The following UBE2D1 variants were observed in gnomAD, a reference collection of about 807,000 sequenced individuals.
The protein encoded by UBE2D1 is ubiquitin-conjugating enzyme E2 D1.
In UBE2D1, 9 loss-of-function variants were observed where a neutral mutation model predicts 24.6. That is an observed-to-expected ratio of 0.37 (90% CI 0.22 to 0.64). The LOEUF is 0.64. Among genes scored for constraint, UBE2D1 ranks in the 30% least tolerant of loss-of-function variants. The pLI is 0.64. For synonymous variants in UBE2D1, 57 were observed against 57.6 expected (o/e 0.99, Z 0.04); for missense variants, 87 against 177.1 (o/e 0.49, Z 2.89).
At chr10:58,341,511 A>C (rs900121916) in intron 1 of UBE2D1, among the ~76,000 whole-genome samples, 2 of 152,090 alleles carry the variant, frequency 1.3e-5, no homozygotes. Flanking sequence ...TAGAGGTATA[A>C]AAAAATGAGG....
At chr10:58,342,371 C>G (rs1199254863) in intron 1 of UBE2D1, among the ~76,000 whole-genome samples, 1 of 151,986 alleles carries the variant, frequency 6.6e-6, no homozygotes, top group Non-Finnish European at 1.5e-5. Context: ...AGAAACTTCT[C>G]CAGTGGGGGT....
intron 1 of UBE2D1, chr10:58,360,929 A>C (rs554843213): frequency 2.2e-5 from 10 of 455,058 alleles, no homozygotes; most frequent in South Asian, 1.4e-4. Flanking sequence ...CTCAAAAAAA[A>C]AAAAAAAGTT....
At chr10:58,361,472 C>T in intron 2 of UBE2D1, 23 bp from the exon 3 acceptor site, 2 of 1,614,052 alleles carry the variant, frequency 1.2e-6, no homozygotes, top group Non-Finnish European at 1.7e-6. Context: ...TTAATGACTC[C>T]AAAACTCCTT....
At position 58,368,821 on chromosome 10, in the gene UBE2D1, A is replaced by T; in HGVS notation, c.*56A>T. The T allele has an allele frequency of 8.0e-7, 1 of 1,250,942 alleles. No individual in the cohort carries two copies. Among genetic ancestry groups the T allele is most frequent in the Non-Finnish European group, 1.1e-6 (1 of 891,358 alleles). The allele number at this position is 1,250,942 out of a possible 1,614,324, so 77.5% of individuals were successfully genotyped here. ...TACTGTAAAATCTAGGTTTTTTTCAACATTAGCAGTAAATTGAGCACTGTT... is the reference window on the plus strand; with the variant it reads ...TACTGTAAAATCTAGGTTTTTTTCATCATTAGCAGTAAATTGAGCACTGTT... On this transcript the variant is annotated 3_prime_UTR_variant, in exon 7 of 7. Coordinates refer to ENST00000373910, the MANE Select transcript of UBE2D1 (RefSeq NM_003338.5).
In UBE2D1 at chr10:58,370,351, AT is replaced by A. The variant is rs1564563745; in HGVS notation, c.*1587del. 2 of 152,488 alleles carry A rather than the reference AT, an allele frequency of 1.3e-5. No individual in the cohort carries two copies. The highest frequency in any genetic ancestry group is 4.8e-5 in the African/African-American group (2 of 41,394). 9.4% of individuals were successfully genotyped at this position (152,488 alleles called of 1,614,324 possible). Reference sequence around the variant, plus strand: ...GTGTAGTCATTAGCAAAGCATTTAAATCACTTGAGTATTTTGTCATGGTTCA... The same window carrying A: ...GTGTAGTCATTAGCAAAGCATTTAAACACTTGAGTATTTTGTCATGGTTCA... On this transcript the variant is annotated 3_prime_UTR_variant, in exon 7 of 7. Transcript: ENST00000373910.
intron 1 of UBE2D1, among the ~76,000 whole-genome samples, chr10:58,342,048 GTC>G (rs1163044351): frequency 1.3e-5 from 2 of 152,182 alleles, no homozygotes; most frequent in Non-Finnish European, 2.9e-5. Context: ...GGTCTTGATG[GTC>G]TCTGAGAAGC....
chr10:58,353,714 A>G (rs1320938891), intron 1 of UBE2D1, among the ~76,000 whole-genome samples: 2 of 152,324 alleles, frequency 1.3e-5, no homozygotes, highest in East Asian at 3.9e-4. Flanking sequence ...TTTGTGTTTC[A>G]CATGTTATTT....
At chr10:58,360,701 C>T (rs1293122420) in intron 1 of UBE2D1, among the ~76,000 whole-genome samples, 1 of 152,160 alleles carries the variant, frequency 6.6e-6, no homozygotes, top group Non-Finnish European at 1.5e-5. Context: ...AGGTGGATCA[C>T]TTGAGCACAG....
rs971186386 is a variant in UBE2D1 at position 58,337,908 on chromosome 10, A to G, written c.24+2683A>G. 3.3e-5 allele frequency among the ~76,000 whole-genome samples: 5 copies of G among 151,730 alleles called. No homozygotes were observed. The South Asian group carries it at 8.3e-4, about 25-fold the overall frequency. The stretch of plus-strand genomic sequence containing the variant: ...GTTTCCCAGGCTGGAGTGCAGTGGC[A>G]TGATCTCGGCTCACTGCAACCTCTG... On this transcript the variant is annotated intron_variant, in intron 1 of 6. Transcript: ENST00000373910.
At chr10:58,354,030 A>G (rs1840104452) in intron 1 of UBE2D1, among the ~76,000 whole-genome samples, 1 of 151,926 alleles carries the variant, frequency 6.6e-6, no homozygotes, top group African/African-American at 2.4e-5. Flanking sequence ...ATTCCGGTAG[A>G]AGAGGAACAG....
At chr10:58,353,368 T>C (rs547777688) in intron 1 of UBE2D1, among the ~76,000 whole-genome samples, 136 of 152,322 alleles carry the variant, frequency 8.9e-4, no homozygotes, top group Middle Eastern at 3.4e-3. Context: ...CGCCACAGAC[T>C]GCAGCTTGTC....
intron 6 of UBE2D1, chr10:58,368,220 A>C: frequency 2.1e-6 from 1 of 474,862 alleles, no homozygotes. Context: ...CTTACTGTTC[A>C]ATAGTATATA....
intron 1 of UBE2D1, among the ~76,000 whole-genome samples, chr10:58,339,174 C>T (rs891526016): frequency 2.0e-4 from 31 of 152,244 alleles, no homozygotes; most frequent in African/African-American, 7.5e-4. Context: ...GGCACAATCT[C>T]GGTTTTCTGT....
intron 1 of UBE2D1, among the ~76,000 whole-genome samples, chr10:58,345,664 A>G (rs1214854740): frequency 1.3e-5 from 2 of 152,214 alleles, no homozygotes; most frequent in Non-Finnish European, 2.9e-5. Flanking sequence ...AATACAATAT[A>G]TTTAAACAGG....
chr10:58,366,314 A>G (rs759369561), intron 5 of UBE2D1, among the ~76,000 whole-genome samples: 1 of 152,228 alleles, frequency 6.6e-6, no homozygotes, highest in Non-Finnish European at 1.5e-5. Flanking sequence ...CAGTTTCCTT[A>G]TAAGTAAAAT....
chr10:58,355,500 T>C (rs1216396152), intron 1 of UBE2D1, among the ~76,000 whole-genome samples: 1 of 152,140 alleles, frequency 6.6e-6, no homozygotes, highest in African/African-American at 2.4e-5. Context: ...AATATAAATA[T>C]AGTACATCTG....
chr10:58,354,752 T>G (rs1272615818), intron 1 of UBE2D1, among the ~76,000 whole-genome samples: 1 of 152,060 alleles, frequency 6.6e-6, no homozygotes, highest in Non-Finnish European at 1.5e-5. Context: ...GGAGAATCAC[T>G]TGAACCTGGG....
intron 1 of UBE2D1, among the ~76,000 whole-genome samples, chr10:58,349,881 C>T (rs923776419): frequency 6.6e-6 from 1 of 152,082 alleles, no homozygotes; most frequent in Non-Finnish European, 1.5e-5. Context: ...TGTTTTTGAA[C>T]GTTATTTAAG....
At chr10:58,346,515 T>C (rs1461731721) in intron 1 of UBE2D1, among the ~76,000 whole-genome samples, 1 of 152,014 alleles carries the variant, frequency 6.6e-6, no homozygotes, top group Non-Finnish European at 1.5e-5. Flanking sequence ...GTAAAGTAGA[T>C]AAAATGAAAG....
Sources: gnomAD v4.1 joint callset for allele counts (sites outside exome capture counted in the v4.1 genomes callset) on GRCh38, gnomAD v4.1.1 for gene constraint, MANE v1.5 for transcripts, NCBI Gene and HGNC (gene_info 2026-07-23, HGNC 2026-07-21) for gene names.